Variants in BBS12 observed in about 807,000 individuals in gnomAD.
BBS12 encodes chaperonin-containing T-complex member BBS12.
A neutral mutation model predicts 5.6 loss-of-function variants in BBS12; 5 were observed. That is an observed-to-expected ratio of 0.89 (90% CI 0.46 to 1.86). BBS12 has a LOEUF of 1.86. Ranked by LOEUF, BBS12 falls within the 40% of genes most tolerant of loss-of-function variation. BBS12 has a pLI of 0.01. For synonymous variants in BBS12, 308 were observed against 306.8 expected, an observed-to-expected ratio of 1.00 and a Z score of -0.04; for missense variants, 748 against 830.4, an observed-to-expected ratio of 0.90 and a Z score of 1.22.
At chr4:122,719,195 T>C in the BBS12 span, among the ~76,000 whole-genome samples, 2 of 152,086 alleles carry the variant, frequency 1.3e-5, no homozygotes, top group Non-Finnish European at 2.9e-5. Flanking sequence ...CTTGGAGAAC[T>C]TTTCTGTCTA....
chr4:122,703,243 A>C, the BBS12 span, among the ~76,000 whole-genome samples: 93 of 152,270 alleles, frequency 6.1e-4, no homozygotes, highest in East Asian at 0.017. Flanking sequence ...AGGACCTGCC[A>C]CTATCTTTCA....
chr4:122,708,774 C>T, the BBS12 span, among the ~76,000 whole-genome samples: 1 of 151,968 alleles, frequency 6.6e-6, no homozygotes, highest in African/African-American at 2.4e-5. Context: ...CAAAACATCA[C>T]ATTGTGCCCC....
At position 122,743,429 on chromosome 4, in the gene BBS12, C is replaced by G. The variant is rs1022524996; in HGVS notation, c.1537C>G (p.Gln513Glu). The G allele has an allele frequency of 1.4e-5, 22 of 1,613,884 alleles. No individual in the cohort carries two copies. Among genetic ancestry groups the G allele is most frequent in the Non-Finnish European group, 1.7e-5 (20 of 1,179,886 alleles). The change falls in exon 2 of 2, where the codon CAA becomes GAA. Residue 513 changes from glutamine to glutamate, a missense_variant. Physicochemically the swap from Gln to Glu is conservative, Grantham distance 29. Coordinates refer to ENST00000314218, the MANE Select transcript of BBS12 (RefSeq NM_152618.3). Reference protein sequence around the residue: ...VLTNPVTAQMQIKEDRFWTCA... With the variant: ...VLTNPVTAQMEIKEDRFWTCA... ...CACTAACCCAGTTACTGCACAGATG[C>G]AAATCAAAGAAGATAGGTTCTGGAC...
the BBS12 span, among the ~76,000 whole-genome samples, chr4:122,716,646 T>C: frequency 6.1e-3 from 561 of 91,718 alleles, 22 homozygotes; most frequent in African/African-American, 0.026. Context: ...TATACACACG[T>C]GTGTGTATAT....
Position 122,732,777 on chromosome 4 carries a change from G to A in BBS12, c.-118G>A, listed in dbSNP as rs1235343828. On this transcript the variant is annotated 5_prime_UTR_variant, in exon 1 of 2. It introduces an in-frame stop codon into an upstream open reading frame of the 5' UTR. Coordinates refer to ENST00000314218, the MANE Select transcript of BBS12 (RefSeq NM_152618.3). The stretch of plus-strand genomic sequence containing the variant: ...TGCGCAAACTGCGGACGGGGAACTG[G>A]GCTCCCTAGCCCTGGCGTTTTTGGT... 1 of 152,434 alleles carries A rather than the reference G, an allele frequency of 6.6e-6. No homozygotes were observed. Among genetic ancestry groups the A allele is most frequent in the African/African-American group, 2.4e-5 (1 of 41,460 alleles). 9.4% of individuals were successfully genotyped at this position (152,434 alleles called of 1,614,324 possible).
the BBS12 span, among the ~76,000 whole-genome samples, chr4:122,726,276 A>G: frequency 6.6e-5 from 10 of 152,312 alleles, no homozygotes; most frequent in South Asian, 2.1e-3. Flanking sequence ...TGAATAGACA[A>G]TTCTCAAAAG....
the BBS12 span, among the ~76,000 whole-genome samples, chr4:122,706,861 G>T: frequency 6.6e-6 from 1 of 152,088 alleles, no homozygotes; most frequent in Non-Finnish European, 1.5e-5. Context: ...CCATAAACGT[G>T]CATTAACTTA....
At chr4:122,711,573 A>G in the BBS12 span, among the ~76,000 whole-genome samples, 3 of 152,210 alleles carry the variant, frequency 2.0e-5, no homozygotes, top group African/African-American at 7.2e-5. Context: ...TCCAGTGCCA[A>G]TTATAATCTT....
chr4:122,718,712 G>GTGAAATGAAATAATGAAA, the BBS12 span, among the ~76,000 whole-genome samples: 4 of 146,200 alleles, frequency 2.7e-5, no homozygotes, highest in African/African-American at 1.0e-4. Flanking sequence ...GGGATTCGAT[G>GTGAAATGAAATAATGAAA]TGAAATGAAA....
At chr4:122,707,943 CCCTTCCTTCCTTCCTT>C in the BBS12 span, among the ~76,000 whole-genome samples, 2 of 143,124 alleles carry the variant, frequency 1.4e-5, no homozygotes, top group African/African-American at 5.2e-5. Context: ...ACACTCCTTT[CCCTTCCTTCCTTCCTT>C]CCTTCCTTCC....
At chr4:122,740,471 G>T (rs1253067092) in intron 1 of BBS12, among the ~76,000 whole-genome samples, 1 of 152,200 alleles carries the variant, frequency 6.6e-6, no homozygotes, top group African/African-American at 2.4e-5. Flanking sequence ...GCTTTGAACA[G>T]ACTTTTGTTC....
At chr4:122,719,018 A>G in the BBS12 span, among the ~76,000 whole-genome samples, 1 of 151,974 alleles carries the variant, frequency 6.6e-6, no homozygotes, top group African/African-American at 2.4e-5. Flanking sequence ...ACAGAGTTTC[A>G]CCATGTTAGC....
At chr4:122,739,628 G>C (rs1156850967) in intron 1 of BBS12, among the ~76,000 whole-genome samples, 4 of 152,206 alleles carry the variant, frequency 2.6e-5, no homozygotes, top group African/African-American at 9.6e-5. Context: ...TGGCCAAGTG[G>C]GATCAGCCCT....
At chr4:122,705,930 T>C in the BBS12 span, among the ~76,000 whole-genome samples, 1 of 152,194 alleles carries the variant, frequency 6.6e-6, no homozygotes, top group Non-Finnish European at 1.5e-5. Context: ...CTGACTGATA[T>C]CAGTAGTCAG....
chr4:122,736,111 A>G (rs1184324466), intron 1 of BBS12, among the ~76,000 whole-genome samples: 1 of 152,214 alleles, frequency 6.6e-6, no homozygotes, highest in Non-Finnish European at 1.5e-5. Context: ...GCCAAGGGAT[A>G]AAATAGTAAG....
upstream of BBS12, among the ~76,000 whole-genome samples, chr4:122,727,917 G>T (rs754410193): frequency 5.9e-5 from 9 of 152,046 alleles, no homozygotes; most frequent in Non-Finnish European, 1.0e-4. Flanking sequence ...AAAAGGAATA[G>T]ACAAATAGAG....
chr4:122,712,889 A>C, the BBS12 span, among the ~76,000 whole-genome samples: 2 of 152,192 alleles, frequency 1.3e-5, no homozygotes, highest in African/African-American at 4.8e-5. Context: ...TTCCTTAATA[A>C]AGATGTCCTT....
the BBS12 span, among the ~76,000 whole-genome samples, chr4:122,716,626 CACATAT>C: frequency 1.1e-5 from 1 of 93,242 alleles, no homozygotes; most frequent in African/African-American, 5.3e-5. Context: ...TATGCACATA[CACATAT>C]GTATATACAC....
At chr4:122,717,227 GA>G in the BBS12 span, among the ~76,000 whole-genome samples, 1 of 152,006 alleles carries the variant, frequency 6.6e-6, no homozygotes, top group East Asian at 1.9e-4. Context: ...AAGAAAACAA[GA>G]AAAAACTATG....
Sources: gnomAD v4.1 joint callset for allele counts (sites outside exome capture counted in the v4.1 genomes callset) on GRCh38, gnomAD v4.1.1 for gene constraint, MANE v1.5 for transcripts, NCBI Gene and HGNC (gene_info 2026-07-23, HGNC 2026-07-21) for gene names.